The following NEK8 variants were observed in gnomAD, a reference collection of about 807,000 sequenced individuals.
The protein encoded by NEK8 is NIMA related kinase 8.
NEK8 carries 51 observed loss-of-function variants against 77.2 expected under a neutral mutation model. That is an observed-to-expected ratio of 0.66 (90% CI 0.53 to 0.83). NEK8 has a LOEUF of 0.83. Among genes scored for constraint, NEK8 ranks in the 40% least tolerant of loss-of-function variants. NEK8 has a pLI of 0.00. For synonymous variants in NEK8, 365 were observed against 363.2 expected (o/e 1.00, Z -0.06); for missense variants, 787 against 909.2 (o/e 0.87, Z 1.73).
At position 28,740,008 on chromosome 17, in the gene NEK8, C is replaced by T. The variant is rs1198959955; in HGVS notation, c.1418-455C>T. On this transcript the variant is annotated intron_variant, in intron 10 of 14. Coordinates refer to ENST00000268766, the MANE Select transcript of NEK8 (RefSeq NM_178170.3). The surrounding 1 kb of genome is among the most constrained non-coding windows in gnomAD (Gnocchi z 4.7). ...GCTTTAAAGGAGGAGGATTTTGAGC[C>T]GGCGTGGTGGCTCACGCCTGTAATC... 2.0e-5 allele frequency among the ~76,000 whole-genome samples: 3 copies of T among 151,542 alleles called. No individual in the cohort carries two copies. Among genetic ancestry groups the T allele is most frequent in the Admixed American group, 1.3e-4 (2 of 15,200 alleles).
At position 28,741,590 on chromosome 17, in the gene NEK8, C is replaced by G. The variant is rs1197011587; in HGVS notation, c.2050+19C>G. ...GTTCGATGTGAGTTGTAACTTTTCC[C>G]ACTTCACCACACAGCCCAGCTGGCC... On this transcript the variant is annotated intron_variant, in intron 14 of 14. Transcript: ENST00000268766. This position sits in a 1 kb window ranked among gnomAD's most constrained non-coding sequence, Gnocchi z 4.5. 20 of 1,613,620 alleles carry G rather than the reference C, an allele frequency of 1.2e-5. No homozygotes were observed. The highest frequency in any genetic ancestry group is 1.7e-5 in the Non-Finnish European group (20 of 1,179,814).
At chr17:28,730,016 A>G (rs528500486) in intron 1 of NEK8, among the ~76,000 whole-genome samples, 1 of 152,366 alleles carries the variant, frequency 6.6e-6, no homozygotes, top group South Asian at 2.1e-4. Flanking sequence ...TGGGCAAGGT[A>G]GAGAATGGTA....
In NEK8 at chr17:28,731,543, T is replaced by TA. The variant is rs199982502; in HGVS notation, c.48-2432dup. Among the ~76,000 whole-genome samples the TA allele has an allele frequency of 1.0e-3, 154 of 150,956 alleles. No homozygotes were observed. In the East Asian group the frequency reaches 0.021, roughly 20 times the overall value. ...ACAGAGTGAGACTCCTTCTCAAAAA[T>TA]AAAAAAAATAGAAAAATAAAAAATC... On this transcript the variant is annotated intron_variant, in intron 1 of 14. Coordinates refer to ENST00000268766, the MANE Select transcript of NEK8 (RefSeq NM_178170.3).
chr17:28,735,187 A>T, intron 3 of NEK8, 53 bp from the exon 4 acceptor site: 1 of 1,611,422 alleles, frequency 6.2e-7, no homozygotes, highest in Non-Finnish European at 8.5e-7. Flanking sequence ...TTATGCACAG[A>T]GCCCCTGGTC....
intron 9 of NEK8, 147 bp from the exon 10 acceptor site, chr17:28,738,937 C>A (rs2034394012): frequency 3.6e-6 from 3 of 841,254 alleles, no homozygotes; most frequent in Non-Finnish European, 6.2e-6. Flanking sequence ...CCAATGGTTG[C>A]CCACCTGGCA....
At position 28,742,899 on chromosome 17, in the gene NEK8, C is replaced by G. The variant is rs2034441362; in HGVS notation, c.*912C>G. On this transcript the variant is annotated 3_prime_UTR_variant, in exon 15 of 15. Transcript: ENST00000268766. The stretch of plus-strand genomic sequence containing the variant: ...GCCAGCCTGGCCAACATGGTGAAAC[C>G]CCGTCTCTACTAAAAATACAAAAAT... 6.6e-6 allele frequency: 1 copy of G among 151,930 alleles called. No homozygotes were observed. Among genetic ancestry groups the G allele is most frequent in the East Asian group, 1.9e-4 (1 of 5,188 alleles). The allele number at this position is 151,930 out of a possible 1,614,324, so 9.4% of individuals were successfully genotyped here.
chr17:28,738,168 C>A lies in NEK8; in HGVS notation c.1145C>A (p.Ser382Ter), dbSNP rs146989750. 6.2e-7 allele frequency: 1 copy of A among 1,614,122 alleles called. No individual in the cohort carries two copies. Among genetic ancestry groups the A allele is most frequent in the Non-Finnish European group, 8.5e-7 (1 of 1,179,984 alleles). Residue 382 changes from serine to a stop codon, truncating the protein, a stop_gained, in exon 8 of 15, where the codon TCG (serine) becomes TAG (stop). Transcript: ENST00000268766. LOFTEE classifies it high-confidence loss of function. Reference protein sequence around the residue: ...AVEQPQPQFISRFLEGQSGVT... With the variant: ...AVEQPQPQFI ...GAGCAGCCACAGCCCCAGTTCATCT[C>A]GCGTTTCCTGGAGGGCCAGTCGGGT...
At chr17:28,730,470 C>T (rs2034296234) in intron 1 of NEK8, among the ~76,000 whole-genome samples, 1 of 152,072 alleles carries the variant, frequency 6.6e-6, no homozygotes, top group Admixed American at 6.5e-5. Flanking sequence ...GACAGGGTTT[C>T]ACCATGTTGG....
In NEK8 at chr17:28,740,748, G is replaced by GA; in HGVS notation, c.1569-73dup. On this transcript the variant is annotated intron_variant, in intron 11 of 14. Coordinates refer to ENST00000268766, the MANE Select transcript of NEK8 (RefSeq NM_178170.3). The surrounding 1 kb of genome is among the most constrained non-coding windows in gnomAD (Gnocchi z 4.7). Reference sequence around the variant, plus strand: ...GTGCTATTGGTTCAACCCAGGGTGGGATCTGTCTCCTGGTGCACCAGCTCC... The same window carrying GA: ...GTGCTATTGGTTCAACCCAGGGTGGGAATCTGTCTCCTGGTGCACCAGCTCC... 6.3e-7 allele frequency: 1 copy of GA among 1,593,570 alleles called. No homozygotes were observed.
Position 28,734,991 on chromosome 17 carries a change from G to A in NEK8, c.473G>A (p.Ser158Asn). ...ATCTCCAAGATCCTTAGCAGCAAGA[G>A]CAAGGCCTACACGGTGCCTGGGCAT... ...FGISKILSSK[S>N]KAYTVVGTPC... Residue 158 changes from serine to asparagine, a missense_variant, in exon 3 of 15, where the codon AGC becomes AAC. Ser to Asn is a conservative substitution (Grantham distance 46). This residue lies in a region of NEK8 where 271 missense variants were observed against 365.1 expected (regional missense o/e 0.74). Coordinates refer to ENST00000268766, the MANE Select transcript of NEK8 (RefSeq NM_178170.3). 1 of 1,611,714 alleles carries A rather than the reference G, an allele frequency of 6.2e-7. No individual in the cohort carries two copies. The highest frequency in any genetic ancestry group is 1.3e-5 in the African/African-American group (1 of 75,024).
At chr17:28,731,149 A>C (rs1192399027) in intron 1 of NEK8, among the ~76,000 whole-genome samples, 1 of 152,110 alleles carries the variant, frequency 6.6e-6, no homozygotes, top group South Asian at 2.1e-4. Context: ...AGTCAGGAGA[A>C]TCGCTTGAAC....
Position 28,741,983 on chromosome 17 carries a change from C to T in NEK8, c.2075C>T (p.Pro692Leu), listed in dbSNP as rs992916399. The T allele has an allele frequency of 4.3e-6, 7 of 1,614,070 alleles. No homozygotes were observed. In the South Asian group the frequency reaches 4.4e-5, roughly 10 times the overall value. ...VRSVTDEPVP[P>L] is the part of the protein sequence containing the mutation. ...GCGGTCACAGATGAGCCGGTCCCCC[C>T]CTGAGGCACCCGGATTCACCTCTGG... Residue 692 changes from proline to leucine, a missense_variant, in exon 15 of 15, where the codon CCC (proline) becomes CTC (leucine). Transcript: ENST00000268766. The surrounding 1 kb of genome is among the most constrained non-coding windows in gnomAD (Gnocchi z 4.5).
Position 28,731,058 on chromosome 17 carries a change from G to A in NEK8, c.47+2198G>A, listed in dbSNP as rs895166518. Among the ~76,000 whole-genome samples the A allele has an allele frequency of 2.0e-5, 3 of 151,842 alleles. No individual in the cohort carries two copies. The East Asian group carries it at 5.8e-4, about 29-fold the overall frequency. On this transcript the variant is annotated intron_variant, in intron 1 of 14. Transcript: ENST00000268766. The stretch of plus-strand genomic sequence containing the variant: ...ACCTGAGGTCAAGAGTTCGAGACCA[G>A]CCTGGCCAACACAGTGAAACCCCAT...
Position 28,737,899 on chromosome 17 carries a change from C to A in NEK8, c.970C>A (p.Pro324Thr). Residue 324 changes from proline (P) to threonine (T), a missense_variant, in exon 7 of 15, where the codon CCC becomes ACC. By Grantham distance (38) the Pro-to-Thr change is conservative. Coordinates refer to ENST00000268766, the MANE Select transcript of NEK8 (RefSeq NM_178170.3). This position sits in a 1 kb window ranked among gnomAD's most constrained non-coding sequence, Gnocchi z 4.8. The part of the protein sequence containing the change: ...VYAWGGGLGT[P>T]LRLPMLNTEV... ...TGCCTGGGGTGGTGGGCTGGGCACC[C>A]CCCTGCGGCTGCCAATGCTCAACAC... The A allele has an allele frequency of 1.2e-6, 2 of 1,613,828 alleles. No homozygotes were observed. Among genetic ancestry groups the A allele is most frequent in the Middle Eastern group, 1.6e-4 (1 of 6,062 alleles).
At chr17:28,735,409 C>T in intron 4 of NEK8, 38 bp downstream of exon 4, 1 of 1,603,730 alleles carries the variant, frequency 6.2e-7, no homozygotes, top group South Asian at 1.1e-5. Flanking sequence ...ACTGAGAAAT[C>T]TACTGCCTCG....
At chr17:28,729,532 ATTTTTTTTTTT>A (rs10523946) in intron 1 of NEK8, among the ~76,000 whole-genome samples, 5 of 98,350 alleles carry the variant, frequency 5.1e-5, no homozygotes, top group Admixed American at 1.2e-4. Flanking sequence ...AATTTTTTGG[ATTTTTTTTTTT>A]TTTTTTTTTT....
In NEK8 at chr17:28,741,513, C is replaced by G. The variant is rs145275797; in HGVS notation, c.1992C>G (p.His664Gln). 3.7e-5 allele frequency: 60 copies of G among 1,614,010 alleles called. No homozygotes were observed. Among genetic ancestry groups the G allele is most frequent in the Non-Finnish European group, 4.7e-5 (55 of 1,180,010 alleles). Residue 664 changes from histidine (H) to glutamine (Q), a missense_variant, in exon 14 of 15, where the codon CAC becomes CAG. Transcript: ENST00000268766. This position sits in a 1 kb window ranked among gnomAD's most constrained non-coding sequence, Gnocchi z 4.5. ...GGCCAGTGCAGTTGGATGAGACACA[C>G]CCTTACACGGTGACTTCCGTGTCCT... ...LPRPVQLDET[H>Q]PYTVTSVSCC...
Position 28,737,364 on chromosome 17 carries a change from G to A in NEK8, c.677G>A (p.Arg226Gln), listed in dbSNP as rs1323633715. Residue 226 changes from arginine (R) to glutamine (Q), a missense_variant, in exon 5 of 15, where the codon CGG (arginine) becomes CAG (glutamine). Arg to Gln is a conservative substitution (Grantham distance 43). Transcript: ENST00000268766. This position sits in a 1 kb window ranked among gnomAD's most constrained non-coding sequence, Gnocchi z 4.8. ...GGCACCTTTGCACCTATCTCTGACC[G>A]GTACAGCCCTGAGCTTCGCCAGCTG... ...MSGTFAPISD[R>Q]YSPELRQLVL... 5.0e-6 allele frequency: 8 copies of A among 1,613,714 alleles called. No homozygotes were observed. Among genetic ancestry groups the A allele is most frequent in the Middle Eastern group, 1.6e-4 (1 of 6,084 alleles).
At position 28,740,025 on chromosome 17, in the gene NEK8, C is replaced by G. The variant is rs2034404642; in HGVS notation, c.1418-438C>G. ...TTTTGAGCCGGCGTGGTGGCTCACG[C>G]CTGTAATCCCAGCACTTTGGGAGGC... On this transcript the variant is annotated intron_variant, in intron 10 of 14. Transcript: ENST00000268766. This position sits in a 1 kb window ranked among gnomAD's most constrained non-coding sequence, Gnocchi z 4.7. Among the ~76,000 whole-genome samples, 2 of 152,032 alleles carry G rather than the reference C, an allele frequency of 1.3e-5. No homozygotes were observed. Among genetic ancestry groups the G allele is most frequent in the Admixed American group, 6.5e-5 (1 of 15,270 alleles).
Sources: allele counts gnomAD v4.1 joint callset (sites outside exome capture counted in the v4.1 genomes callset), GRCh38; gene constraint gnomAD v4.1.1; regional missense constraint gnomAD v4.1.1; non-coding constraint Gnocchi (gnomAD v3.1); transcripts MANE v1.5; gene names NCBI Gene and HGNC (gene_info 2026-07-23, HGNC 2026-07-21).